Variants in COL4A4 observed in about 807,000 individuals in gnomAD.
COL4A4 encodes collagen alpha-4(IV) chain.
A neutral mutation model predicts 192.9 loss-of-function variants in COL4A4; 105 were observed. The ratio of observed to expected loss-of-function variants is 0.54; its 90% CI spans 0.46 to 0.64. The LOEUF is 0.64. Among genes scored for constraint, COL4A4 ranks in the 30% least tolerant of loss-of-function variants. The probability of loss-of-function intolerance (pLI) is 0.00; values close to 1 mark genes in which losing one functional copy is unlikely to be tolerated. For missense variants in COL4A4, 1,967 were observed against 2,169.3 expected (o/e 0.91, Z 1.85); for synonymous variants, 762 against 769.9 (o/e 0.99, Z 0.17).
chr2:226,970,325 C>T, the COL4A4 span, among the ~76,000 whole-genome samples: 1 of 151,928 alleles, frequency 6.6e-6, no homozygotes. Context: ...TTAGGACAAA[C>T]AGAAGACGGT....
At chr2:226,990,777 A>C in the COL4A4 span, among the ~76,000 whole-genome samples, 87,741 of 151,950 alleles carry the variant, frequency 0.58, 26,048 homozygotes, top group African/African-American at 0.72. Context: ...TTAACACGGG[A>C]AGTATTCCTG....
chr2:227,150,935 A>C (rs2063898638), intron 1 of COL4A4, among the ~76,000 whole-genome samples: 1 of 151,000 alleles, frequency 6.6e-6, no homozygotes, highest in African/African-American at 2.4e-5. Flanking sequence ...TAAAACTTTC[A>C]TCTTCTCTTT....
intron 34 of COL4A4, among the ~76,000 whole-genome samples, chr2:227,048,942 C>A (rs776573209): frequency 1.8e-4 from 28 of 152,216 alleles, no homozygotes; most frequent in Non-Finnish European, 3.1e-4. Context: ...TTTGTTATAG[C>A]ATTTAGTATA....
rs564826444 is a variant in COL4A4 at position 227,067,494 on chromosome 2, G to C, written c.1988-4896C>G. On this transcript the variant is annotated intron_variant, in intron 25 of 47. Transcript: ENST00000396625. ...AAAGCATTCCTCAGCAAATGTAAAA[G>C]AACAGAAATTATAACAAACTATCTC... Among the ~76,000 whole-genome samples the C allele has an allele frequency of 3.9e-5, 6 of 152,206 alleles. No individual in the cohort carries two copies. The East Asian group carries it at 1.2e-3, about 29-fold the overall frequency.
chr2:227,031,072 T>TGGATGGATGGATGGAC (rs1553626074), intron 40 of COL4A4, among the ~76,000 whole-genome samples: 9 of 151,674 alleles, frequency 5.9e-5, no homozygotes, highest in African/African-American at 2.2e-4. Flanking sequence ...GATGGATGGA[T>TGGATGGATGGATGGAC]AGACTGATGG....
In COL4A4 at chr2:227,054,853, G is replaced by A. The variant is rs1157611675; in HGVS notation, c.2717-116C>T. 2.2e-5 allele frequency: 26 copies of A among 1,157,466 alleles called. No homozygotes were observed. The Admixed American group carries it at 2.6e-4, about 12-fold the overall frequency. 71.7% of individuals were successfully genotyped at this position (1,157,466 alleles called of 1,614,324 possible). On this transcript the variant is annotated intron_variant, in intron 30 of 47. Transcript: ENST00000396625. ...CACCCAGGCTGAAGTGCAGTGGCAC[G>A]ATCTCGGCTCATTGCAACCTCTGCC...
chr2:227,106,460 C>A lies in COL4A4; in HGVS notation c.735+2121G>T, dbSNP rs138217579. Among the ~76,000 whole-genome samples, 123 of 152,302 alleles carry A rather than the reference C, an allele frequency of 8.1e-4. 3 individuals carry two copies. In the Middle Eastern group the frequency reaches 0.024, roughly 29 times the overall value. On this transcript the variant is annotated intron_variant, in intron 12 of 47. Coordinates refer to ENST00000396625, the MANE Select transcript of COL4A4 (RefSeq NM_000092.5). ...AAATGTAAAAGGTCCATAATTATAT[C>A]ATGTAGGCATAAATAGCAACCATTT...
At chr2:227,162,029 C>T (rs2064878773) in intron 1 of COL4A4, among the ~76,000 whole-genome samples, 1 of 152,040 alleles carries the variant, frequency 6.6e-6, no homozygotes, top group African/African-American at 2.4e-5. Flanking sequence ...CCAACAACTC[C>T]CTGAGGTGGG....
chr2:227,140,272 T>G lies in COL4A4; in HGVS notation c.115-34A>C, dbSNP rs755631331. On this transcript the variant is annotated intron_variant, in intron 3 of 47. Coordinates refer to ENST00000396625, the MANE Select transcript of COL4A4 (RefSeq NM_000092.5). ...TGAAGCATCTTATTTAGTATACCAG[T>G]ACTCATCGTTTAACTACGTGCATAA... is the stretch of plus-strand genomic sequence containing the variant. The G allele has an allele frequency of 3.8e-6, 6 of 1,575,760 alleles. No individual in the cohort carries two copies. The African/African-American group carries it at 8.1e-5, about 21-fold the overall frequency.
At chr2:227,096,470 T>A (rs920138475) in intron 19 of COL4A4, among the ~76,000 whole-genome samples, 3 of 152,202 alleles carry the variant, frequency 2.0e-5, no homozygotes, top group African/African-American at 7.2e-5. Context: ...ATTGTGTCCA[T>A]ATGTGCCGGG....
At chr2:227,017,916 G>A (rs1027068051) in intron 44 of COL4A4, among the ~76,000 whole-genome samples, 4 of 152,124 alleles carry the variant, frequency 2.6e-5, no homozygotes, top group Non-Finnish European at 5.9e-5. Context: ...ATTAAGCCCA[G>A]TACTCAGTAG....
intron 9 of COL4A4, among the ~76,000 whole-genome samples, chr2:227,111,344 G>C (rs73082227): frequency 0.076 from 11,517 of 152,148 alleles, 867 homozygotes; most frequent in African/African-American, 0.2. Flanking sequence ...TAGTTGCTAA[G>C]TGGACTCACT....
At chr2:227,114,944 A>G (rs996719269) in intron 7 of COL4A4, among the ~76,000 whole-genome samples, 1 of 152,194 alleles carries the variant, frequency 6.6e-6, no homozygotes, top group African/African-American at 2.4e-5. Context: ...ATAGCTATTT[A>G]GCAGAAAATT....
At chr2:227,104,320 G>A (rs987561142) in intron 12 of COL4A4, among the ~76,000 whole-genome samples, 12 of 150,852 alleles carry the variant, frequency 8.0e-5, no homozygotes, top group Non-Finnish European at 1.2e-4. Flanking sequence ...CCTGTAATCC[G>A]AGCACTTTGG....
intron 22 of COL4A4, among the ~76,000 whole-genome samples, chr2:227,085,547 T>A (rs540540250): frequency 1.3e-5 from 2 of 152,298 alleles, no homozygotes; most frequent in Admixed American, 1.3e-4. Context: ...GGCACCAGCA[T>A]CTGCTCAGCT....
intron 4 of COL4A4, 24 bp downstream of exon 4, chr2:227,140,137 C>T: frequency 6.3e-7 from 1 of 1,593,446 alleles, no homozygotes; most frequent in Non-Finnish European, 8.6e-7. Context: ...GAATGCTGCC[C>T]ATGTTGGTCT....
intron 22 of COL4A4, among the ~76,000 whole-genome samples, chr2:227,085,141 C>A (rs2059527464): frequency 1.6e-5 from 2 of 125,596 alleles, no homozygotes; most frequent in African/African-American, 2.9e-5. Context: ...AAAAAAAAAA[C>A]AAAAGCAAAA....
chr2:226,996,355 T>C, the COL4A4 span: 1 of 152,238 alleles, frequency 6.6e-6, no homozygotes. Context: ...GCAGAAAGTA[T>C]GTTTTTCCTC....
the COL4A4 span, among the ~76,000 whole-genome samples, chr2:226,994,063 G>C: frequency 2.6e-5 from 4 of 152,204 alleles, no homozygotes; most frequent in Non-Finnish European, 4.4e-5. Context: ...ATGTGTGCTG[G>C]CTGCTGCTTT....
Sources: allele counts gnomAD v4.1 joint callset (sites outside exome capture counted in the v4.1 genomes callset), GRCh38; gene constraint gnomAD v4.1.1; transcripts MANE v1.5; gene names NCBI Gene and HGNC (gene_info 2026-07-23, HGNC 2026-07-21).